ST6GALNAC3: variants seen among roughly 807,000 people sequenced by gnomAD.
ST6GALNAC3 encodes alpha-N-acetylgalactosaminide alpha-2,6-sialyltransferase 3.
A neutral mutation model predicts 32.7 loss-of-function variants in ST6GALNAC3; 25 were observed. That is an observed-to-expected ratio of 0.76 (90% CI 0.56 to 1.07). The LOEUF is 1.07. ST6GALNAC3 is among the 50% of genes least tolerant of loss of function. The pLI, the probability that ST6GALNAC3 is intolerant of heterozygous loss-of-function variation, is 0.00. For synonymous variants in ST6GALNAC3, 129 were observed against 133.1 expected, an observed-to-expected ratio of 0.97 and a Z score of 0.21; for missense variants, 355 against 382.4, an observed-to-expected ratio of 0.93 and a Z score of 0.60.
chr1:76,531,601 T>A (rs557915315), intron 3 of ST6GALNAC3, among the ~76,000 whole-genome samples: 1 of 152,302 alleles, frequency 6.6e-6, no homozygotes, highest in Non-Finnish European at 1.5e-5. Flanking sequence ...GTGTGCTTTT[T>A]TCCCCCTCAT....
intron 2 of ST6GALNAC3, among the ~76,000 whole-genome samples, chr1:76,378,881 A>G (rs1651476264): frequency 6.6e-6 from 1 of 151,998 alleles, no homozygotes; most frequent in Non-Finnish European, 1.5e-5. Context: ...AATCAGCGGA[A>G]AAATTATCAT....
At chr1:76,624,977 C>T (rs751468106) in intron 3 of ST6GALNAC3, among the ~76,000 whole-genome samples, 30 of 151,966 alleles carry the variant, frequency 2.0e-4, no homozygotes, top group Non-Finnish European at 4.0e-4. Context: ...AACTTAATTA[C>T]AGACTGTTGA....
intron 2 of ST6GALNAC3, among the ~76,000 whole-genome samples, chr1:76,382,952 A>G (rs1651826000): frequency 6.6e-6 from 1 of 152,150 alleles, no homozygotes; most frequent in Non-Finnish European, 1.5e-5. Flanking sequence ...AAACTTACCT[A>G]GGTACGTTAG....
chr1:76,606,508 T>C (rs1381752197), intron 3 of ST6GALNAC3, among the ~76,000 whole-genome samples: 1 of 151,944 alleles, frequency 6.6e-6, no homozygotes, highest in East Asian at 1.9e-4. Flanking sequence ...AAGTGGGAGC[T>C]GAACAATGAG....
rs1662894769 is a variant in ST6GALNAC3, at chr1:76,526,087, A to G, written c.624-101365A>G. On this transcript the variant is annotated intron_variant, in intron 3 of 4. Transcript: ENST00000328299. ...TGTCTTCTGAATTCACTACCATTAG[A>G]TTTTGGAAGAGCATAAATTTAGAAG... Among the ~76,000 whole-genome samples the G allele has an allele frequency of 5.9e-5, 9 of 151,668 alleles. 1 individual carries two copies. In the South Asian group the frequency reaches 1.9e-3, roughly 32 times the overall value.
intron 3 of ST6GALNAC3, among the ~76,000 whole-genome samples, chr1:76,519,368 A>AT (rs1476695722): frequency 1.3e-5 from 2 of 151,978 alleles, no homozygotes; most frequent in African/African-American, 2.4e-5. Flanking sequence ...TTGCATCCAC[A>AT]TTTTCTGATG....
At chr1:76,424,012 G>C (rs1295084401) in intron 3 of ST6GALNAC3, among the ~76,000 whole-genome samples, 2 of 151,928 alleles carry the variant, frequency 1.3e-5, no homozygotes, top group African/African-American at 4.8e-5. Context: ...AGGTACAAAA[G>C]CTCCGAAGGT....
intron 3 of ST6GALNAC3, among the ~76,000 whole-genome samples, chr1:76,626,344 C>A (rs2100721221): frequency 6.6e-6 from 1 of 151,970 alleles, no homozygotes; most frequent in Non-Finnish European, 1.5e-5. Context: ...AGCTATCAAA[C>A]AAATTGGGGT....
At chr1:76,259,375 A>T (rs1257810498) in intron 1 of ST6GALNAC3, among the ~76,000 whole-genome samples, 1 of 152,160 alleles carries the variant, frequency 6.6e-6, no homozygotes, top group Non-Finnish European at 1.5e-5. Flanking sequence ...TGGTTCTGTC[A>T]CTGAGTGGGA....
intron 3 of ST6GALNAC3, among the ~76,000 whole-genome samples, chr1:76,511,823 A>C (rs1269512664): frequency 6.6e-6 from 1 of 152,222 alleles, no homozygotes; most frequent in Non-Finnish European, 1.5e-5. Context: ...TATGCCGTTC[A>C]GTTTAGGGAT....
chr1:76,624,828 C>T (rs1474781454), intron 3 of ST6GALNAC3, among the ~76,000 whole-genome samples: 1 of 151,894 alleles, frequency 6.6e-6, no homozygotes, highest in African/African-American at 2.4e-5. Flanking sequence ...TTATACCCAG[C>T]TTATATTTTT....
intron 3 of ST6GALNAC3, among the ~76,000 whole-genome samples, chr1:76,413,744 T>G (rs141354234): frequency 4.0e-4 from 61 of 152,210 alleles, no homozygotes; most frequent in African/African-American, 1.4e-3. Flanking sequence ...CAATGTAGCA[T>G]AAACTGTCCA....
At chr1:76,606,861 T>C (rs1307461293) in intron 3 of ST6GALNAC3, among the ~76,000 whole-genome samples, 1 of 151,116 alleles carries the variant, frequency 6.6e-6, no homozygotes, top group African/African-American at 2.4e-5. Flanking sequence ...TGTGGGTTTT[T>C]TTTTTTTTTT....
At chr1:76,343,052 T>G (rs1169983777) in intron 2 of ST6GALNAC3, among the ~76,000 whole-genome samples, 1 of 152,216 alleles carries the variant, frequency 6.6e-6, no homozygotes, top group African/African-American at 2.4e-5. Flanking sequence ...TCTTTTCTTT[T>G]GCTGTGCAGA....
chr1:76,297,510 A>G (rs1660473157), intron 1 of ST6GALNAC3, among the ~76,000 whole-genome samples: 1 of 152,072 alleles, frequency 6.6e-6, no homozygotes, highest in Non-Finnish European at 1.5e-5. Flanking sequence ...ACATGACATA[A>G]GTATAGAATA....
At chr1:76,484,193 T>G (rs1314837203) in intron 3 of ST6GALNAC3, among the ~76,000 whole-genome samples, 1 of 152,196 alleles carries the variant, frequency 6.6e-6, no homozygotes, top group Non-Finnish European at 1.5e-5. Context: ...TAGGATTGAC[T>G]TGGCAATGTG....
At chr1:76,501,158 C>T (rs1661154447) in intron 3 of ST6GALNAC3, among the ~76,000 whole-genome samples, 1 of 152,118 alleles carries the variant, frequency 6.6e-6, no homozygotes, top group South Asian at 2.1e-4. Flanking sequence ...CCTCTCCCTC[C>T]CCCTACAAGC....
rs770429064 is a variant in ST6GALNAC3, at chr1:76,207,994, CA to C, written c.19-105810del. ...GGCCCTGAGTTCTGCTGCTGTGCTT[CA>C]GGGGGGGCCTGCATTAGCCATCTCT... On this transcript the variant is annotated intron_variant, in intron 1 of 4. Coordinates refer to ENST00000328299, the MANE Select transcript of ST6GALNAC3 (RefSeq NM_152996.4). 2.6e-5 allele frequency among the ~76,000 whole-genome samples: 4 copies of C among 152,124 alleles called. No individual in the cohort carries two copies. The South Asian group carries it at 6.2e-4, about 24-fold the overall frequency.
chr1:76,460,077 T>G (rs548952329), intron 3 of ST6GALNAC3, among the ~76,000 whole-genome samples: 20 of 152,336 alleles, frequency 1.3e-4, no homozygotes, highest in African/African-American at 4.8e-4. Context: ...TCTACAGTGA[T>G]TGAATCATTT....
Sources: allele counts gnomAD v4.1 joint callset (sites outside exome capture counted in the v4.1 genomes callset), GRCh38; gene constraint gnomAD v4.1.1; transcripts MANE v1.5; gene names NCBI Gene and HGNC (gene_info 2026-07-23, HGNC 2026-07-21).